DNAJC16: variants seen among roughly 807,000 people sequenced by gnomAD.
DNAJC16 encodes DnaJ heat shock protein family (Hsp40) member C16.
A neutral mutation model predicts 92.7 loss-of-function variants in DNAJC16; 76 were observed. The observed-to-expected ratio is 0.82, with a 90% confidence interval of 0.68 to 0.99. The LOEUF (loss-of-function observed/expected upper bound fraction) is 0.99. DNAJC16 is among the 50% of genes least tolerant of loss of function. DNAJC16 has a pLI of 0.00. For synonymous variants in DNAJC16, 328 were observed against 358.7 expected (o/e 0.91, Z 0.97); for missense variants, 869 against 942.4 (o/e 0.92, Z 1.02).
intron 3 of DNAJC16, among the ~76,000 whole-genome samples, 187 bp downstream of exon 3, chr1:15,534,490 G>C (rs1441805012): frequency 6.6e-6 from 1 of 152,120 alleles, no homozygotes; most frequent in Non-Finnish European, 1.5e-5. Flanking sequence ...TTGGGAGGCC[G>C]AGGTGGGTGG....
At chr1:15,546,664 C>G in intron 5 of DNAJC16, 103 bp from the exon 6 acceptor site, 1 of 864,810 alleles carries the variant, frequency 1.2e-6, no homozygotes, top group Non-Finnish European at 1.8e-6. Context: ...TTATTTTTTG[C>G]AATCTTTTAC....
chr1:15,539,840 C>T (rs1388265314), intron 4 of DNAJC16, among the ~76,000 whole-genome samples: 1 of 151,998 alleles, frequency 6.6e-6, no homozygotes, highest in Non-Finnish European at 1.5e-5. Context: ...CCAGCCTGGC[C>T]AACATGGTGA....
rs1638913688 is a variant in DNAJC16 at position 15,569,933 on chromosome 1, A to C, written c.*1756A>C. ...AAGTGCTGCTGGGATTACAGGCGTG[A>C]GCCACCACTCCCGGCTAAGTTAGTA... On this transcript the variant is annotated 3_prime_UTR_variant, in exon 15 of 15. Coordinates refer to ENST00000375847, the MANE Select transcript of DNAJC16 (RefSeq NM_015291.4). The C allele has an allele frequency of 1.3e-5, 2 of 152,432 alleles. No homozygotes were observed. The highest frequency in any genetic ancestry group is 4.8e-5 in the African/African-American group (2 of 41,450). 9.4% of individuals were successfully genotyped at this position (152,432 alleles called of 1,614,324 possible). A position where few individuals can be genotyped will look rare whatever the true frequency, so the allele number is the denominator to read the frequency against.
intron 7 of DNAJC16, among the ~76,000 whole-genome samples, chr1:15,551,361 A>G (rs1638438859): frequency 6.6e-6 from 1 of 152,222 alleles, no homozygotes; most frequent in African/African-American, 2.4e-5. Flanking sequence ...TCTTAATGGA[A>G]TATCATTTTT....
chr1:15,566,849 A>T (rs1307841192), intron 13 of DNAJC16, among the ~76,000 whole-genome samples: 1 of 152,180 alleles, frequency 6.6e-6, no homozygotes, highest in Non-Finnish European at 1.5e-5. Context: ...ATGTCGCTGC[A>T]CTCAAGCCTG....
intron 7 of DNAJC16, among the ~76,000 whole-genome samples, chr1:15,558,923 T>C (rs916497897): frequency 2.6e-5 from 4 of 152,168 alleles, no homozygotes; most frequent in African/African-American, 9.6e-5. Flanking sequence ...TTTTGGGTTT[T>C]TGTTTTGTTT....
intron 13 of DNAJC16, 57 bp downstream of exon 13, chr1:15,566,237 C>A (rs1474566093): frequency 7.4e-7 from 1 of 1,360,306 alleles, no homozygotes; most frequent in South Asian, 1.2e-5. Flanking sequence ...CAGATCCTGT[C>A]ATCTGATAAC....
At chr1:15,544,151 T>TACACACACACACACACACACAC (rs148744006) in intron 4 of DNAJC16, among the ~76,000 whole-genome samples, 2,624 of 137,172 alleles carry the variant, frequency 0.019, 76 homozygotes, top group African/African-American at 0.029. Flanking sequence ...TGTATATGCA[T>TACACACACACACACACACACAC]ACACACACAC....
intron 7 of DNAJC16, among the ~76,000 whole-genome samples, chr1:15,549,351 T>C (rs1638388242): frequency 1.3e-5 from 2 of 152,152 alleles, no homozygotes; most frequent in Admixed American, 1.3e-4. Context: ...GGATAGAAAC[T>C]GGTGTATCAT....
intron 4 of DNAJC16, among the ~76,000 whole-genome samples, chr1:15,539,753 C>A (rs1710887644): frequency 6.6e-6 from 1 of 151,492 alleles, no homozygotes; most frequent in Admixed American, 6.6e-5. Flanking sequence ...ATTGGCCAGG[C>A]ATGGTGGCTC....
chr1:15,535,769 T>C (rs1391736039), intron 3 of DNAJC16, among the ~76,000 whole-genome samples: 1 of 151,836 alleles, frequency 6.6e-6, no homozygotes, highest in Non-Finnish European at 1.5e-5. Context: ...TAATCTTTTT[T>C]CTTTTTTCTT....
At chr1:15,528,984 T>G in intron 1 of DNAJC16, 104 bp from the exon 2 acceptor site, 3 of 965,326 alleles carry the variant, frequency 3.1e-6, no homozygotes, top group Non-Finnish European at 4.5e-6. Flanking sequence ...CAAAATACCT[T>G]TTGTTGGTTT....
At chr1:15,530,443 A>G (rs1234794141) in intron 2 of DNAJC16, among the ~76,000 whole-genome samples, 1 of 152,220 alleles carries the variant, frequency 6.6e-6, no homozygotes, top group African/African-American at 2.4e-5. Flanking sequence ...GACAAATATC[A>G]TCAGTTTCTT....
intron 11 of DNAJC16, chr1:15,565,695 T>TA: frequency 1.7e-6 from 1 of 578,454 alleles, no homozygotes; most frequent in Non-Finnish European, 3.1e-6. Flanking sequence ...TATACTGAGA[T>TA]ACAAAATCAA....
chr1:15,527,209 G>C (rs890635314), intron 1 of DNAJC16, among the ~76,000 whole-genome samples: 2 of 152,136 alleles, frequency 1.3e-5, no homozygotes, highest in Non-Finnish European at 2.9e-5. Flanking sequence ...CTTCTTCCTG[G>C]TCCTGGATAT....
At chr1:15,566,579 C>T in intron 13 of DNAJC16, 1 of 196,326 alleles carries the variant, frequency 5.1e-6, no homozygotes, top group Admixed American at 5.3e-5. Context: ...AGAGCAACTT[C>T]TGCACCTGAA....
At chr1:15,549,123 A>G (rs992854854) in intron 7 of DNAJC16, among the ~76,000 whole-genome samples, 2 of 152,200 alleles carry the variant, frequency 1.3e-5, no homozygotes, top group Non-Finnish European at 2.9e-5. Context: ...AGTCCACTCT[A>G]ATGGCAGCTC....
intron 4 of DNAJC16, among the ~76,000 whole-genome samples, chr1:15,540,071 A>G (rs892862046): frequency 2.6e-5 from 4 of 152,260 alleles, no homozygotes; most frequent in Non-Finnish European, 4.4e-5. Flanking sequence ...CATGCCTGTA[A>G]TCCCAGCACT....
chr1:15,565,968 C>T lies in DNAJC16; in HGVS notation c.1648C>T (p.Leu550Phe), dbSNP rs1313169091. ...CCTGATCTTCTCTGCCCTCTTCATC[C>T]TCTTCGGCACTGTCATCGTTCAGGC... The part of the protein sequence containing the change: ...LSLIFSALFI[L>F]FGTVIVQAFS... The change falls in exon 12 of 15, where the codon CTC becomes TTC. Residue 550 changes from leucine (L) to phenylalanine (F), a missense_variant. Physicochemically the swap from Leu to Phe is conservative, Grantham distance 22 (BLOSUM62 0). Coordinates refer to ENST00000375847, the MANE Select transcript of DNAJC16 (RefSeq NM_015291.4). 2 of 1,613,696 alleles carry T rather than the reference C, an allele frequency of 1.2e-6. No homozygotes were observed. Among genetic ancestry groups the T allele is most frequent in the Admixed American group, 1.7e-5 (1 of 59,932 alleles).
Sources: allele counts gnomAD v4.1 joint callset (sites outside exome capture counted in the v4.1 genomes callset), GRCh38; gene constraint gnomAD v4.1.1; transcripts MANE v1.5; gene names NCBI Gene and HGNC (gene_info 2026-07-23, HGNC 2026-07-21).